Variants in WASHC4 observed in about 807,000 individuals in gnomAD.
WASHC4 encodes WASH complex subunit 7.
WASHC4 carries 86 observed loss-of-function variants against 166.6 expected under a neutral mutation model. The ratio of observed to expected loss-of-function variants is 0.52; its 90% CI spans 0.43 to 0.62. WASHC4 has a LOEUF of 0.62. Ranked by LOEUF, WASHC4 falls within the 20% of genes least tolerant of loss-of-function variation. The probability of loss-of-function intolerance (pLI) is 0.00; values close to 1 mark genes in which losing one functional copy is unlikely to be tolerated. For synonymous variants in WASHC4, 446 were observed against 451.6 expected, an observed-to-expected ratio of 0.99 and a Z score of 0.16; for missense variants, 1,262 against 1,382.4, an observed-to-expected ratio of 0.91 and a Z score of 1.38.
chr12:105,141,691 C>G (rs946402620), intron 18 of WASHC4, among the ~76,000 whole-genome samples: 2 of 152,174 alleles, frequency 1.3e-5, no homozygotes, highest in East Asian at 3.9e-4. Context: ...TTTTGTAGCT[C>G]CTTCTGGCTT....
intron 25 of WASHC4, among the ~76,000 whole-genome samples, chr12:105,151,468 G>T (rs1267942568): frequency 6.6e-6 from 1 of 151,932 alleles, no homozygotes; most frequent in Non-Finnish European, 1.5e-5. Context: ...ACATTTATCA[G>T]TAGAGGATTG....
chr12:105,137,110 T>C (rs2135781495), intron 14 of WASHC4, among the ~76,000 whole-genome samples: 1 of 152,362 alleles, frequency 6.6e-6, no homozygotes, highest in East Asian at 1.9e-4. Flanking sequence ...TCTCCATCAT[T>C]ATCTTTGTGT....
At chr12:105,157,087 G>A in intron 27 of WASHC4, 149 bp from the exon 28 acceptor site, 1 of 628,442 alleles carries the variant, frequency 1.6e-6, no homozygotes, top group South Asian at 1.9e-5. Context: ...TGGAACTAAA[G>A]TGGTGATATG....
intron 2 of WASHC4, 140 bp from the exon 3 acceptor site, chr12:105,114,076 G>A: frequency 1.5e-6 from 1 of 665,118 alleles, no homozygotes; most frequent in East Asian, 2.9e-5. Flanking sequence ...TGTTTTGGAT[G>A]AAGTAGTTGA....
At chr12:105,124,207 C>T (rs1489292293) in intron 10 of WASHC4, among the ~76,000 whole-genome samples, 1 of 151,124 alleles carries the variant, frequency 6.6e-6, no homozygotes, top group Non-Finnish European at 1.5e-5. Context: ...ACAACCTCTG[C>T]CTCACGGGTT....
At position 105,140,385 on chromosome 12, in the gene WASHC4, C is replaced by T; in HGVS notation, c.1544C>T (p.Ser515Phe). The T allele has an allele frequency of 6.2e-7, 1 of 1,611,424 alleles. No homozygotes were observed. The highest frequency in any genetic ancestry group is 8.5e-7 in the Non-Finnish European group (1 of 1,177,564). The change falls in exon 16 of 33, where the codon TCT (serine) becomes TTT (phenylalanine). Residue 515 changes from serine (S) to phenylalanine (F), a missense_variant. Physicochemically the swap from Ser to Phe is radical, Grantham distance 155. Transcript: ENST00000332180. ...TQHLQHQALH[S>F]ISVAKKRVIS... is the part of the protein sequence containing the mutation. ...CACCTTCAACATCAGGCTCTTCATT[C>T]TATTTCTGTGGCCAAGGTATGCAGC... is the stretch of plus-strand genomic sequence containing the variant.
rs1051928053 is a variant in WASHC4, at chr12:105,140,192, A to G, written c.1453-102A>G. On this transcript the variant is annotated intron_variant, in intron 15 of 32. Transcript: ENST00000332180. ...GGACTGTAAGGTTTTTTTGTATCTCATTTACAAATCCCTTCCCTAGCCTAA... is the reference window on the plus strand; with the variant it reads ...GGACTGTAAGGTTTTTTTGTATCTCGTTTACAAATCCCTTCCCTAGCCTAA... 4.6e-6 allele frequency: 4 copies of G among 873,964 alleles called. No individual in the cohort carries two copies. The African/African-American group carries it at 6.7e-5, about 15-fold the overall frequency. 54.1% of individuals were successfully genotyped at this position (873,964 alleles called of 1,614,324 possible). A position where few individuals can be genotyped will look rare whatever the true frequency, so the allele number is the denominator to read the frequency against.
chr12:105,157,151 G>T lies in WASHC4; in HGVS notation c.2826-85G>T, dbSNP rs1884216247. On this transcript the variant is annotated intron_variant, in intron 27 of 32. Coordinates refer to ENST00000332180, the MANE Select transcript of WASHC4 (RefSeq NM_015275.3). Reference sequence around the variant, plus strand: ...TCCAAATACATAGTTGAAAATTTTAGAGTCCTGCAGTACCACTTTTATATC... The same window carrying T: ...TCCAAATACATAGTTGAAAATTTTATAGTCCTGCAGTACCACTTTTATATC... The T allele has an allele frequency of 9.6e-6, 7 of 725,868 alleles. No individual in the cohort carries two copies. The Admixed American group carries it at 1.1e-4, about 11-fold the overall frequency. 45.0% of individuals were successfully genotyped at this position (725,868 alleles called of 1,614,324 possible).
chr12:105,124,306 A>G (rs1200075841), intron 10 of WASHC4, among the ~76,000 whole-genome samples: 3 of 150,842 alleles, frequency 2.0e-5, no homozygotes, highest in Admixed American at 6.6e-5. Context: ...TTTAGTAGAG[A>G]TGGGGTTTCT....
At chr12:105,132,800 G>GTT (rs1426054784) in intron 13 of WASHC4, among the ~76,000 whole-genome samples, 2 of 146,998 alleles carry the variant, frequency 1.4e-5, no homozygotes, top group Non-Finnish European at 1.5e-5. Flanking sequence ...GTGTGTGTGT[G>GTT]TGTGTGTGTG....
intron 22 of WASHC4, among the ~76,000 whole-genome samples, chr12:105,145,318 T>C (rs1365017836): frequency 6.6e-6 from 1 of 151,986 alleles, no homozygotes; most frequent in Admixed American, 6.6e-5. Context: ...TAGGAAAACA[T>C]TTAGCTTTGC....
chr12:105,146,357 G>T, intron 22 of WASHC4, 95 bp from the exon 23 acceptor site: 2 of 779,206 alleles, frequency 2.6e-6, no homozygotes, highest in South Asian at 3.2e-5. Context: ...AAAATTATTA[G>T]GAAACAGTAT....
rs36080234 is a variant in WASHC4, at chr12:105,109,649, C to CTTTTTT, written c.62-1460_62-1455dup. Among the ~76,000 whole-genome samples the CTTTTTT allele has an allele frequency of 5.4e-4, 53 of 97,562 alleles. 1 individual carries two copies. Among genetic ancestry groups the CTTTTTT allele is most frequent in the South Asian group, 7.1e-4 (2 of 2,826 alleles). 64.0% of individuals were successfully genotyped at this position (97,562 alleles called of 152,430 possible). ...TGGCGTGGTGTTTCTCTAGCATTGT[C>CTTTTTT]TTTTTTTTTTTTTTTTTTTTTCGAG... On this transcript the variant is annotated intron_variant, in intron 1 of 32. Coordinates refer to ENST00000332180, the MANE Select transcript of WASHC4 (RefSeq NM_015275.3).
At chr12:105,132,001 G>A (rs745657632) in intron 13 of WASHC4, among the ~76,000 whole-genome samples, 56 of 152,104 alleles carry the variant, frequency 3.7e-4, no homozygotes, top group Non-Finnish European at 5.3e-4. Context: ...GATTCTAAAC[G>A]TAATTGAGTG....
At chr12:105,157,144 A>G (rs1884216071) in intron 27 of WASHC4, 92 bp from the exon 28 acceptor site, 2 of 712,074 alleles carry the variant, frequency 2.8e-6, no homozygotes, top group East Asian at 5.2e-5. Context: ...CATAGTTGAA[A>G]ATTTTAGAGT....
chr12:105,118,984 A>T (rs770769872), intron 7 of WASHC4, among the ~76,000 whole-genome samples: 14 of 152,192 alleles, frequency 9.2e-5, no homozygotes, highest in Non-Finnish European at 1.5e-4. Context: ...TATACCTTAA[A>T]TATACACAGT....
In WASHC4 at chr12:105,155,531, G is replaced by A. The variant is rs558707180; in HGVS notation, c.2759-1195G>A. 8.0e-5 allele frequency among the ~76,000 whole-genome samples: 12 copies of A among 149,324 alleles called. No individual in the cohort carries two copies. The South Asian group carries it at 2.1e-3, about 27-fold the overall frequency. Reference sequence around the variant, plus strand: ...TTACTGAGGGTGGAAAGCCATTACAGCATTTTCAGAAAAAGCATGATATGG... The same window carrying A: ...TTACTGAGGGTGGAAAGCCATTACAACATTTTCAGAAAAAGCATGATATGG... On this transcript the variant is annotated intron_variant, in intron 26 of 32. Coordinates refer to ENST00000332180, the MANE Select transcript of WASHC4 (RefSeq NM_015275.3).
intron 14 of WASHC4, among the ~76,000 whole-genome samples, chr12:105,136,419 T>C (rs2135780109): frequency 6.6e-6 from 1 of 152,312 alleles, no homozygotes; most frequent in South Asian, 2.1e-4. Context: ...TAAACCGTTT[T>C]GCCCATATAT....
At chr12:105,129,850 C>T (rs1368689058) in intron 13 of WASHC4, among the ~76,000 whole-genome samples, 3 of 152,194 alleles carry the variant, frequency 2.0e-5, no homozygotes, top group Non-Finnish European at 2.9e-5. Flanking sequence ...TCATGAAGCT[C>T]TCAACTCTAT....
Sources: gnomAD v4.1 joint callset for allele counts (sites outside exome capture counted in the v4.1 genomes callset) on GRCh38, gnomAD v4.1.1 for gene constraint, MANE v1.5 for transcripts, NCBI Gene and HGNC (gene_info 2026-07-23, HGNC 2026-07-21) for gene names.